IGHMBP2: variants seen among roughly 807,000 people sequenced by gnomAD.
The protein encoded by IGHMBP2 is immunoglobulin mu DNA binding protein 2.
A neutral mutation model predicts 96.0 loss-of-function variants in IGHMBP2; 81 were observed. The observed-to-expected ratio is 0.84, with a 90% CI of 0.71 to 1.01. IGHMBP2 has a LOEUF of 1.01. Among genes scored for constraint, IGHMBP2 ranks in the 50% least tolerant of loss-of-function variants. The pLI is 0.00. For missense variants in IGHMBP2, 1,227 were observed against 1,306.3 expected (o/e 0.94, Z 0.94); for synonymous variants, 557 against 548.9 (o/e 1.01, Z -0.21).
intron 8 of IGHMBP2, among the ~76,000 whole-genome samples, chr11:68,931,792 T>C (rs1480302676): frequency 2.0e-5 from 3 of 152,228 alleles, no homozygotes; most frequent in African/African-American, 7.2e-5. Flanking sequence ...AAGGAGGTCT[T>C]CATCCTCTGG....
At chr11:68,927,554 A>C (rs139237992) in intron 7 of IGHMBP2, among the ~76,000 whole-genome samples, 2 of 152,204 alleles carry the variant, frequency 1.3e-5, no homozygotes, top group South Asian at 4.1e-4. Context: ...GGCCTTCTAG[A>C]TTCCCAGGAA....
In IGHMBP2 at chr11:68,915,016, A is replaced by G. The variant is rs748286001; in HGVS notation, c.905A>G (p.Gln302Arg). ...IVADIRKDID[Q>R]VFVKNKKTQD... ...GCAGATATCAGGAAGGACATCGACC[A>G]GGTCTTTGTAGGTGTCATGGCCAGT... Residue 302 changes from glutamine to arginine, a missense_variant, in exon 6 of 15, where the codon CAG becomes CGG. By Grantham distance (43) the Gln-to-Arg change is conservative. Coordinates refer to ENST00000255078, the MANE Select transcript of IGHMBP2 (RefSeq NM_002180.3). The G allele has an allele frequency of 3.7e-6, 6 of 1,613,744 alleles. No individual in the cohort carries two copies. Among genetic ancestry groups the G allele is most frequent in the Non-Finnish European group, 5.1e-6 (6 of 1,179,878 alleles).
At chr11:68,938,108 A>G (rs1387313127) in intron 13 of IGHMBP2, 74 bp from the exon 14 acceptor site, 2 of 1,533,108 alleles carry the variant, frequency 1.3e-6, no homozygotes, top group Non-Finnish European at 1.8e-6. Flanking sequence ...TTAGCCATGA[A>G]TTGATTTTAA....
At chr11:68,929,417 G>T in intron 8 of IGHMBP2, 60 bp downstream of exon 8, 1 of 1,511,968 alleles carries the variant, frequency 6.6e-7, no homozygotes, top group Non-Finnish European at 9.1e-7. Context: ...GTCCTTCCAC[G>T]CTCAGCCAGG....
intron 2 of IGHMBP2, among the ~76,000 whole-genome samples, 167 bp from the exon 3 acceptor site, chr11:68,907,978 C>T (rs559600107): frequency 6.7e-6 from 1 of 148,476 alleles, no homozygotes; most frequent in African/African-American, 2.5e-5. Flanking sequence ...CGTGAGCCAC[C>T]GTGCCCGGCC....
At position 68,911,250 on chromosome 11, in the gene IGHMBP2, G is replaced by T. The variant is rs673821; in HGVS notation, c.548-190G>T. On this transcript the variant is annotated intron_variant, in intron 4 of 14. Coordinates refer to ENST00000255078, the MANE Select transcript of IGHMBP2 (RefSeq NM_002180.3). ...GACTGGATGTGGCCCACAGTTTGCC[G>T]ATTCCTGTTCAAGGAGAAACCTTGT... Among the ~76,000 whole-genome samples the T allele has an allele frequency of 0.25, 38,031 of 152,054 alleles. 5,434 individuals carry two copies. Among genetic ancestry groups the T allele is most frequent in the South Asian group, 0.46 (2,227 of 4,820 alleles).
rs186253759 is a variant in IGHMBP2, at chr11:68,934,649, T to C, written c.1632+91T>C. 1.8e-4 allele frequency: 196 copies of C among 1,060,020 alleles called. 1 individual carries two copies. The highest frequency in any genetic ancestry group is 5.8e-4 in the Admixed American group (29 of 50,398). 65.7% of individuals were successfully genotyped at this position (1,060,020 alleles called of 1,614,324 possible). A position where few individuals can be genotyped will look rare whatever the true frequency, so the allele number is the denominator to read the frequency against. The stretch of plus-strand genomic sequence containing the variant: ...AAAAAGGGTGATTTGTTGGCTGTGG[T>C]GACCGAAAAGTTCAGGGGTAGGGCT... On this transcript the variant is annotated intron_variant, in intron 11 of 14. Transcript: ENST00000255078.
intron 6 of IGHMBP2, among the ~76,000 whole-genome samples, chr11:68,916,391 T>TC (rs1167806655): frequency 6.6e-6 from 1 of 152,010 alleles, no homozygotes; most frequent in Non-Finnish European, 1.5e-5. Context: ...GAGGGCCTTT[T>TC]CCCCCCAGCC....
chr11:68,905,937 G>A lies in IGHMBP2; in HGVS notation c.87-132G>A. On this transcript the variant is annotated intron_variant, in intron 1 of 14. Coordinates refer to ENST00000255078, the MANE Select transcript of IGHMBP2 (RefSeq NM_002180.3). ...CGGGATTGGGAGTGGAGCCAATTCGGAGTTCCATTGGGACATATTTAGTGC... is the reference window on the plus strand; with the variant it reads ...CGGGATTGGGAGTGGAGCCAATTCGAAGTTCCATTGGGACATATTTAGTGC... The A allele has an allele frequency of 7.6e-6, 7 of 919,484 alleles. 1 individual carries two copies. Among genetic ancestry groups the A allele is most frequent in the Non-Finnish European group, 1.3e-5 (7 of 559,544 alleles). The allele number at this position is 919,484 out of a possible 1,614,324, so 57.0% of individuals were successfully genotyped here. A position where few individuals can be genotyped will look rare whatever the true frequency, so the allele number is the denominator to read the frequency against.
chr11:68,939,222 A>G (rs778943053), intron 14 of IGHMBP2, among the ~76,000 whole-genome samples: 1 of 152,038 alleles, frequency 6.6e-6, no homozygotes, highest in Non-Finnish European at 1.5e-5. Context: ...CTGTGATGTC[A>G]CCAGTCTTGG....
rs1473881196 is a variant in IGHMBP2 at position 68,939,615 on chromosome 11, A to T, written c.2866A>T (p.Thr956Ser). ...AGGGGTCCTCTATGCCGGCAGCGGG[A>T]CCAAGAACGGATCCCTGGACCCAGC... Reference protein sequence around the residue: ...REGVLYAGSGTKNGSLDPAKR... With the variant: ...REGVLYAGSGSKNGSLDPAKR... The change falls in exon 15 of 15, where the codon ACC becomes TCC. Residue 956 changes from threonine (T) to serine (S), a missense_variant. Transcript: ENST00000255078. The T allele has an allele frequency of 6.2e-7, 1 of 1,613,402 alleles. No homozygotes were observed. Among genetic ancestry groups the T allele is most frequent in the Non-Finnish European group, 8.5e-7 (1 of 1,180,020 alleles).
chr11:68,929,491 GT>G (rs1357938107), intron 8 of IGHMBP2, 134 bp downstream of exon 8: 4 of 839,946 alleles, frequency 4.8e-6, no homozygotes, highest in Non-Finnish European at 7.4e-6. Context: ...CTCCTACCCC[GT>G]CTTACAGCAT....
At chr11:68,914,094 A>G (rs1364795794) in intron 5 of IGHMBP2, among the ~76,000 whole-genome samples, 1 of 152,154 alleles carries the variant, frequency 6.6e-6, no homozygotes, top group African/African-American at 2.4e-5. Flanking sequence ...TGGTCTGGTG[A>G]TTTTCAGATC....
intron 13 of IGHMBP2, 82 bp downstream of exon 13, chr11:68,937,173 C>T (rs1859579994): frequency 2.0e-6 from 3 of 1,538,090 alleles, no homozygotes; most frequent in African/African-American, 2.7e-5. Flanking sequence ...CCACCATCAA[C>T]AGAAGGAAGG....
At position 68,933,791 on chromosome 11, in the gene IGHMBP2, C is replaced by A; in HGVS notation, c.1419-4C>A. ...GATGTGCTCCCTCTCTGCCTGTGTG[C>A]CAGGGACCTCCCAGGTGTGGCTGCC... On this transcript the variant is annotated splice_polypyrimidine_tract_variant and splice_region_variant and intron_variant, in intron 9 of 14. Coordinates refer to ENST00000255078, the MANE Select transcript of IGHMBP2 (RefSeq NM_002180.3). 6.2e-7 allele frequency: 1 copy of A among 1,608,416 alleles called. No homozygotes were observed. The highest frequency in any genetic ancestry group is 8.5e-7 in the Non-Finnish European group (1 of 1,175,722).
In IGHMBP2 at chr11:68,929,199, C is replaced by A; in HGVS notation, c.1077C>A (p.Gly359=). ...LATNTGASAD[G]PLKLLPESYF... ...TTCCACCAGGTGCGTCTGCCGATGGCCCCCTGAAGTTGCTGCCCGAGAGCT... is the reference window on the plus strand; with the variant it reads ...TTCCACCAGGTGCGTCTGCCGATGGACCCCTGAAGTTGCTGCCCGAGAGCT... Residue 359 remains glycine (G), a synonymous_variant, in exon 8 of 15, where the codon GGC becomes GGA. Coordinates refer to ENST00000255078, the MANE Select transcript of IGHMBP2 (RefSeq NM_002180.3). 6.2e-7 allele frequency: 1 copy of A among 1,613,182 alleles called. No homozygotes were observed. Among genetic ancestry groups the A allele is most frequent in the Non-Finnish European group, 8.5e-7 (1 of 1,180,010 alleles).
At chr11:68,906,282 T>G in intron 2 of IGHMBP2, 44 bp downstream of exon 2, 1 of 1,597,504 alleles carries the variant, frequency 6.3e-7, no homozygotes, top group Non-Finnish European at 8.6e-7. Flanking sequence ...TTTACTGGCA[T>G]TCAGACCGTG....
rs775185334 is a variant in IGHMBP2 at position 68,911,495 on chromosome 11, A to T, written c.603A>T (p.Leu201Phe). Residue 201 changes from leucine (L) to phenylalanine (F), a missense_variant, in exon 5 of 15, where the codon TTA becomes TTT. Physicochemically the swap from Leu to Phe is conservative, Grantham distance 22. Around this residue, in one of 3 missense-constraint regions of IGHMBP2, gnomAD observed 507 missense variants for 496.9 expected, o/e 1.02. Coordinates refer to ENST00000255078, the MANE Select transcript of IGHMBP2 (RefSeq NM_002180.3). ...CLDTSQKEAV[L>F]FALSQKELAI... ...ACACCTCCCAGAAAGAAGCGGTTTTATTTGCGCTGTCTCAGAAAGAACTTG... is the reference window on the plus strand; with the variant it reads ...ACACCTCCCAGAAAGAAGCGGTTTTTTTTGCGCTGTCTCAGAAAGAACTTG... 7 of 1,613,958 alleles carry T rather than the reference A, an allele frequency of 4.3e-6. No individual in the cohort carries two copies. Among genetic ancestry groups the T allele is most frequent in the Non-Finnish European group, 5.9e-6 (7 of 1,180,004 alleles).
At chr11:68,927,683 A>G (rs1859125671) in intron 7 of IGHMBP2, among the ~76,000 whole-genome samples, 1 of 152,244 alleles carries the variant, frequency 6.6e-6, no homozygotes, top group Non-Finnish European at 1.5e-5. Flanking sequence ...ATGTTCAACA[A>G]TTACCTCTGA....
Sources: allele counts gnomAD v4.1 joint callset (sites outside exome capture counted in the v4.1 genomes callset), GRCh38; gene constraint gnomAD v4.1.1; regional missense constraint gnomAD v4.1.1; transcripts MANE v1.5; gene names NCBI Gene and HGNC (gene_info 2026-07-23, HGNC 2026-07-21).